KATNIP: variants seen among roughly 807,000 people sequenced by gnomAD.
KATNIP encodes the protein katanin-interacting protein.
KATNIP carries 126 observed loss-of-function variants against 174.0 expected under a neutral mutation model. The ratio of observed to expected loss-of-function variants is 0.72; its 90% CI spans 0.63 to 0.84. The LOEUF is 0.84. KATNIP is among the 40% of genes least tolerant of loss of function. The pLI, the probability that KATNIP is intolerant of heterozygous loss-of-function variation, is 0.00. For missense variants in KATNIP, 1,958 were observed against 2,109.7 expected, an observed-to-expected ratio of 0.93 and a Z score of 1.41; for synonymous variants, 810 against 835.7, an observed-to-expected ratio of 0.97 and a Z score of 0.53.
intron 13 of KATNIP, among the ~76,000 whole-genome samples, chr16:27,710,249 A>G (rs966711495): frequency 6.6e-6 from 1 of 152,104 alleles, no homozygotes; most frequent in South Asian, 2.1e-4. Context: ...AGTCCCACCT[A>G]CTTGAGGCTG....
At position 27,638,197 on chromosome 16, in the gene KATNIP, C is replaced by A. The variant is rs187123647; in HGVS notation, c.408+7035C>A. Among the ~76,000 whole-genome samples, 373 of 152,288 alleles carry A rather than the reference C, an allele frequency of 2.4e-3. 3 individuals carry two copies. Among genetic ancestry groups the A allele is most frequent in the African/African-American group, 8.3e-3 (345 of 41,550 alleles). Reference sequence around the variant, plus strand: ...CTACCTCCATCGGCTATGACTAGAGCCCCTCAGAGACCAGTTCATTTGGTG... The same window carrying A: ...CTACCTCCATCGGCTATGACTAGAGACCCTCAGAGACCAGTTCATTTGGTG... On this transcript the variant is annotated intron_variant, in intron 5 of 27. Coordinates refer to ENST00000261588, the MANE Select transcript of KATNIP (RefSeq NM_015202.5).
At chr16:27,572,921 A>G (rs1298796761) in intron 1 of KATNIP, among the ~76,000 whole-genome samples, 1 of 151,890 alleles carries the variant, frequency 6.6e-6, no homozygotes, top group Non-Finnish European at 1.5e-5. Context: ...CTTTATTCAC[A>G]CTTTCTTGGC....
Position 27,677,744 on chromosome 16 carries a change from C to T in KATNIP, c.556C>T (p.Leu186=). The T allele has an allele frequency of 6.2e-7, 1 of 1,608,384 alleles. No individual in the cohort carries two copies. The highest frequency in any genetic ancestry group is 8.5e-7 in the Non-Finnish European group (1 of 1,175,074). ...EDRPQELRRS[L]ELSVNLQRKQ... ...CTTTTTGCAGGAGCTGAGAAGAAGC[C>T]TGGAACTTAGTGTAAATCTACAAAG... Residue 186 remains leucine (L), a synonymous_variant, in exon 7 of 28, where the codon CTG becomes TTG. Transcript: ENST00000261588.
rs776585377 is a variant in KATNIP at position 27,701,696 on chromosome 16, G to T, written c.1286+1G>T. 1 of 1,590,218 alleles carries T rather than the reference G, an allele frequency of 6.3e-7. No homozygotes were observed. The highest frequency in any genetic ancestry group is 8.6e-7 in the Non-Finnish European group (1 of 1,167,484). On this transcript the variant is annotated splice_donor_variant, in intron 11 of 27. Coordinates refer to ENST00000261588, the MANE Select transcript of KATNIP (RefSeq NM_015202.5). LOFTEE classifies it high-confidence loss of function. ...ACAGAATTGGGCTTCTGGGAAGCAG[G>T]TACTACTAAGGCTGAGGCCAAACCC...
At chr16:27,574,013 G>A in intron 2 of KATNIP, 57 bp downstream of exon 2, 1 of 1,505,850 alleles carries the variant, frequency 6.6e-7, no homozygotes, top group Non-Finnish European at 9.2e-7. Flanking sequence ...AAGGACCTGA[G>A]GGAGCAGGGT....
rs75031156 is a variant in KATNIP at position 27,648,930 on chromosome 16, C to T, written c.540+195C>T. On this transcript the variant is annotated intron_variant, in intron 6 of 27. Transcript: ENST00000261588. Reference sequence around the variant, plus strand: ...CTAGAGGTCAGCATTCAGAGGCACCCGGTGACCAGGGGTCGGTGAGGCTGG... The same window carrying T: ...CTAGAGGTCAGCATTCAGAGGCACCTGGTGACCAGGGGTCGGTGAGGCTGG... Among the ~76,000 whole-genome samples the T allele has an allele frequency of 9.0e-3, 1,375 of 152,300 alleles. 18 individuals carry two copies. The highest frequency in any genetic ancestry group is 0.031 in the African/African-American group (1,287 of 41,558).
At chr16:27,694,267 G>T (rs2078838252) in intron 8 of KATNIP, among the ~76,000 whole-genome samples, 1 of 152,230 alleles carries the variant, frequency 6.6e-6, no homozygotes, top group Middle Eastern at 3.4e-3. Flanking sequence ...TTCTAATGGG[G>T]CGTAGCAAGA....
At chr16:27,584,421 G>A (rs905619361) in intron 2 of KATNIP, among the ~76,000 whole-genome samples, 3 of 152,066 alleles carry the variant, frequency 2.0e-5, no homozygotes, top group African/African-American at 7.2e-5. Context: ...CAGAAAAAGG[G>A]GGAAAGGCAA....
Position 27,740,304 on chromosome 16 carries a change from A to G in KATNIP, c.2007A>G (p.Ala669=). The G allele has an allele frequency of 6.2e-7, 1 of 1,614,266 alleles. No individual in the cohort carries two copies. The highest frequency in any genetic ancestry group is 8.5e-7 in the Non-Finnish European group (1 of 1,180,048). Residue 669 remains alanine (A), a synonymous_variant, in exon 15 of 28, where the codon GCA becomes GCG. Coordinates refer to ENST00000261588, the MANE Select transcript of KATNIP (RefSeq NM_015202.5). Reference sequence around the variant, plus strand: ...CGCCAGCTGAAACATTAGCGGATGCAAAGCTTTCTTCACAAGGAAATGTGT... The same window carrying G: ...CGCCAGCTGAAACATTAGCGGATGCGAAGCTTTCTTCACAAGGAAATGTGT... The part of the protein sequence containing the change: ...CSPPAETLAD[A]KLSSQGNVSG...
chr16:27,611,143 A>C (rs1391354145), intron 2 of KATNIP, among the ~76,000 whole-genome samples: 1 of 152,196 alleles, frequency 6.6e-6, no homozygotes, highest in Non-Finnish European at 1.5e-5. Flanking sequence ...AAACTTTCTC[A>C]ATTAACTAAG....
intron 1 of KATNIP, among the ~76,000 whole-genome samples, chr16:27,567,841 G>T (rs1341622427): frequency 6.6e-6 from 1 of 152,112 alleles, no homozygotes; most frequent in Non-Finnish European, 1.5e-5. Context: ...GCACACCCTT[G>T]TAATCCCAGC....
intron 9 of KATNIP, among the ~76,000 whole-genome samples, chr16:27,699,127 A>C (rs985002955): frequency 6.6e-6 from 1 of 152,036 alleles, no homozygotes; most frequent in African/African-American, 2.4e-5. Flanking sequence ...CCTTTTTCTT[A>C]GCTTGTCCCC....
intron 17 of KATNIP, among the ~76,000 whole-genome samples, 156 bp downstream of exon 17, chr16:27,752,080 A>G (rs886193772): frequency 2.0e-5 from 3 of 151,976 alleles, no homozygotes; most frequent in East Asian, 1.9e-4. Flanking sequence ...TTTGTCCTCT[A>G]TGTCATATTT....
At chr16:27,592,618 A>C (rs1363714475) in intron 2 of KATNIP, among the ~76,000 whole-genome samples, 2 of 151,872 alleles carry the variant, frequency 1.3e-5, no homozygotes, top group African/African-American at 4.8e-5. Flanking sequence ...ACCCTGTCTC[A>C]AACACACACA....
chr16:27,614,537 G>A (rs918549385), intron 2 of KATNIP, among the ~76,000 whole-genome samples: 3 of 152,112 alleles, frequency 2.0e-5, no homozygotes, highest in Non-Finnish European at 4.4e-5. Context: ...TCAAACTCCT[G>A]GCCTGAAGCA....
intron 6 of KATNIP, among the ~76,000 whole-genome samples, chr16:27,663,929 A>G (rs965225612): frequency 6.7e-6 from 1 of 150,004 alleles, no homozygotes; most frequent in Non-Finnish European, 1.5e-5. Flanking sequence ...TCCTGCCTCA[A>G]CCTCGCAAGC....
intron 5 of KATNIP, among the ~76,000 whole-genome samples, chr16:27,647,218 C>CCCAGTCCAGAGTGTCTGCAGT (rs1459284547): frequency 2.6e-5 from 4 of 152,140 alleles, no homozygotes; most frequent in Non-Finnish European, 5.9e-5. Context: ...AAAGAGAGGC[C>CCCAGTCCAGAGTGTCTGCAGT]CCAGTCCAGA....
chr16:27,639,097 G>C (rs1275778454), intron 5 of KATNIP, among the ~76,000 whole-genome samples: 1 of 152,166 alleles, frequency 6.6e-6, no homozygotes, highest in Non-Finnish European at 1.5e-5. Context: ...CATTTGGGTA[G>C]AGCTGCCCTG....
chr16:27,778,024 T>C lies in KATNIP; in HGVS notation c.4801+55T>C, dbSNP rs186782586. 2.1e-4 allele frequency: 322 copies of C among 1,516,810 alleles called. 2 individuals are homozygous for C. The African/African-American group carries it at 4.1e-3, about 19-fold the overall frequency. 94.0% of individuals were successfully genotyped at this position (1,516,810 alleles called of 1,614,324 possible). On this transcript the variant is annotated intron_variant, in intron 27 of 27. Coordinates refer to ENST00000261588, the MANE Select transcript of KATNIP (RefSeq NM_015202.5). ...GTGCCTTGGGAGCTCGGTCTGAATA[T>C]AGAAGGAGCTGGTGGCCTTGCACCC...
Sources: gnomAD v4.1 joint callset for allele counts (sites outside exome capture counted in the v4.1 genomes callset) on GRCh38, gnomAD v4.1.1 for gene constraint, MANE v1.5 for transcripts, NCBI Gene and HGNC (gene_info 2026-07-23, HGNC 2026-07-21) for gene names.